KIRREL3: variants seen among roughly 807,000 people sequenced by gnomAD.
The protein encoded by KIRREL3 is kin of IRRE-like protein 3.
Under a neutral mutation model 89.7 loss-of-function variants are expected in KIRREL3, and 36 were observed. The ratio of observed to expected loss-of-function variants is 0.40; its 90% CI spans 0.31 to 0.53. The LOEUF (loss-of-function observed/expected upper bound fraction) is 0.53. KIRREL3 is among the 20% of genes least tolerant of loss of function. KIRREL3 has a pLI of 0.49. For missense variants in KIRREL3, 864 were observed against 1,056.6 expected (o/e 0.82, Z 2.53); for synonymous variants, 445 against 441.4 (o/e 1.01, Z -0.10).
At position 126,994,467 on chromosome 11, in the gene KIRREL3, T is replaced by C. The variant is rs1388941345; in HGVS notation, c.55+5988A>G. 6.6e-6 allele frequency among the ~76,000 whole-genome samples: 1 copy of C among 152,236 alleles called. No homozygotes were observed. Among genetic ancestry groups the C allele is most frequent in the Non-Finnish European group, 1.5e-5 (1 of 68,042 alleles). On this transcript the variant is annotated intron_variant, in intron 1 of 16. Coordinates refer to ENST00000525144, the MANE Select transcript of KIRREL3 (RefSeq NM_032531.4). The surrounding 1 kb of genome is among the most constrained non-coding windows in gnomAD (Gnocchi z 5.2). ...TATGCCAAGGAATAGCTGACATTTATTTAATGTTCATAGTGGTGTTGACTG... is the reference window on the plus strand; with the variant it reads ...TATGCCAAGGAATAGCTGACATTTACTTAATGTTCATAGTGGTGTTGACTG...
intron 1 of KIRREL3, among the ~76,000 whole-genome samples, chr11:126,933,874 A>G (rs965009148): frequency 2.0e-5 from 3 of 152,082 alleles, no homozygotes; most frequent in African/African-American, 7.2e-5. Context: ...TTAAGATGAC[A>G]ATTCTTCCCA....
chr11:126,587,106 C>T lies in KIRREL3; in HGVS notation c.56-24194G>A, dbSNP rs1314159173. ...CGACGATGCAGTGTGATGGATGCTCCAGTGGAAGAGTCCAGAGCACCGGGA... is the reference window on the plus strand; with the variant it reads ...CGACGATGCAGTGTGATGGATGCTCTAGTGGAAGAGTCCAGAGCACCGGGA... On this transcript the variant is annotated intron_variant, in intron 1 of 16. Transcript: ENST00000525144. The surrounding 1 kb of genome is among the most constrained non-coding windows in gnomAD (Gnocchi z 5.2). Among the ~76,000 whole-genome samples, 1 of 152,110 alleles carries T rather than the reference C, an allele frequency of 6.6e-6. No individual in the cohort carries two copies. The highest frequency in any genetic ancestry group is 1.5e-5 in the Non-Finnish European group (1 of 68,022).
chr11:126,551,633 G>A lies in KIRREL3; in HGVS notation c.133+11202C>T, dbSNP rs1207287909. Among the ~76,000 whole-genome samples the A allele has an allele frequency of 1.3e-5, 2 of 151,262 alleles. No homozygotes were observed. The highest frequency in any genetic ancestry group is 2.9e-5 in the Non-Finnish European group (2 of 67,928). On this transcript the variant is annotated intron_variant, in intron 2 of 16. Coordinates refer to ENST00000525144, the MANE Select transcript of KIRREL3 (RefSeq NM_032531.4). This position sits in a 1 kb window ranked among gnomAD's most constrained non-coding sequence, Gnocchi z 4.9. ...ATTGCATGAATGTCTCCCAGGGTGA[G>A]GCCACTCAGGTTTGCAGGCTTTTTT...
Position 127,000,349 on chromosome 11 carries a change from C to A in KIRREL3, c.55+106G>T. On this transcript the variant is annotated intron_variant, in intron 1 of 16. Coordinates refer to ENST00000525144, the MANE Select transcript of KIRREL3 (RefSeq NM_032531.4). The surrounding 1 kb of genome is among the most constrained non-coding windows in gnomAD (Gnocchi z 7.1). ...CTCAGCCCGGCACCGAGAGACGCAT[C>A]CATCAGTCCGAGTTCCCGAAGCCTG... The A allele has an allele frequency of 2.4e-6, 2 of 832,648 alleles. No individual in the cohort carries two copies. The highest frequency in any genetic ancestry group is 3.8e-6 in the Non-Finnish European group (2 of 529,366). The allele number at this position is 832,648 out of a possible 1,614,324, so 51.6% of individuals were successfully genotyped here.
chr11:126,799,446 A>ATG (rs1472497802), intron 1 of KIRREL3, among the ~76,000 whole-genome samples: 3 of 19,200 alleles, frequency 1.6e-4, no homozygotes, highest in African/African-American at 2.8e-4. Flanking sequence ...ATCTGTGTGC[A>ATG]TGCATCTCTG....
At position 126,896,437 on chromosome 11, in the gene KIRREL3, C is replaced by A. The variant is rs543120830; in HGVS notation, c.55+104018G>T. On this transcript the variant is annotated intron_variant, in intron 1 of 16. Coordinates refer to ENST00000525144, the MANE Select transcript of KIRREL3 (RefSeq NM_032531.4). This position sits in a 1 kb window ranked among gnomAD's most constrained non-coding sequence, Gnocchi z 4.1. ...GCTCTCCTGTATGCCTGTTGAGATG[C>A]CCATGCCCTTTCCAGAGCTACAGAC... is the stretch of plus-strand genomic sequence containing the variant. 6.6e-6 allele frequency among the ~76,000 whole-genome samples: 1 copy of A among 152,310 alleles called. No individual in the cohort carries two copies. Among genetic ancestry groups the A allele is most frequent in the East Asian group, 1.9e-4 (1 of 5,190 alleles).
chr11:126,562,815 A>G lies in KIRREL3; in HGVS notation c.133+20T>C, dbSNP rs372532633. ...CTCCCTCCAGATTACTCCCGAGACA[A>G]TGGGGAGGTTCTCACTGACCTTCAT... is the stretch of plus-strand genomic sequence containing the variant. On this transcript the variant is annotated intron_variant, in intron 2 of 16. Transcript: ENST00000525144. This position sits in a 1 kb window ranked among gnomAD's most constrained non-coding sequence, Gnocchi z 4.7. 1.0e-4 allele frequency: 160 copies of G among 1,606,332 alleles called. No homozygotes were observed. Among genetic ancestry groups the G allele is most frequent in the Non-Finnish European group, 1.3e-4 (149 of 1,173,248 alleles).
In KIRREL3 at chr11:126,993,957, T is replaced by A. The variant is rs1950109636; in HGVS notation, c.55+6498A>T. The stretch of plus-strand genomic sequence containing the variant: ...AACAATCCACTGAATACAGGCCAAG[T>A]GAGCAGACCATCTAGATAATTCAGC... On this transcript the variant is annotated intron_variant, in intron 1 of 16. Transcript: ENST00000525144. The surrounding 1 kb of genome is among the most constrained non-coding windows in gnomAD (Gnocchi z 6.1). Among the ~76,000 whole-genome samples the A allele has an allele frequency of 6.6e-6, 1 of 152,158 alleles. No individual in the cohort carries two copies. The highest frequency in any genetic ancestry group is 1.5e-5 in the Non-Finnish European group (1 of 68,026).
chr11:126,913,353 T>C (rs997122701), intron 1 of KIRREL3, among the ~76,000 whole-genome samples: 1 of 152,226 alleles, frequency 6.6e-6, no homozygotes, highest in African/African-American at 2.4e-5. Context: ...CACTATTCAG[T>C]TCAGAATGGG....
chr11:126,426,318 C>T (rs1954938945), intron 15 of KIRREL3, among the ~76,000 whole-genome samples: 1 of 152,180 alleles, frequency 6.6e-6, no homozygotes, highest in South Asian at 2.1e-4. Context: ...AAGTTAACTT[C>T]CTTAGAGATG....
At chr11:126,698,038 G>A (rs1947169140) in intron 1 of KIRREL3, among the ~76,000 whole-genome samples, 1 of 152,192 alleles carries the variant, frequency 6.6e-6, no homozygotes, top group Admixed American at 6.5e-5. Flanking sequence ...AATGGCAAAT[G>A]GCACAGCTGA....
intron 1 of KIRREL3, among the ~76,000 whole-genome samples, chr11:126,649,022 G>A (rs1944803345): frequency 6.6e-6 from 1 of 152,160 alleles, no homozygotes; most frequent in South Asian, 2.1e-4. Context: ...ATGGAGGGAG[G>A]TGAAAGGCAC....
chr11:126,520,716 G>C lies in KIRREL3; in HGVS notation c.433+599C>G, dbSNP rs1958557636. Among the ~76,000 whole-genome samples the C allele has an allele frequency of 6.6e-6, 1 of 152,158 alleles. No homozygotes were observed. Among genetic ancestry groups the C allele is most frequent in the South Asian group, 2.1e-4 (1 of 4,820 alleles). On this transcript the variant is annotated intron_variant, in intron 4 of 16. Coordinates refer to ENST00000525144, the MANE Select transcript of KIRREL3 (RefSeq NM_032531.4). The surrounding 1 kb of genome is among the most constrained non-coding windows in gnomAD (Gnocchi z 4.9). ...TGGGCTCCTGGGAACATAAGATGAA[G>C]AAAGATCAAGGGGAAAAGTATGATT...
chr11:126,849,489 T>C (rs1286179846), intron 1 of KIRREL3, among the ~76,000 whole-genome samples: 3 of 152,178 alleles, frequency 2.0e-5, no homozygotes, highest in Non-Finnish European at 2.9e-5. Context: ...CCAAGAACCC[T>C]CTCTGGATTG....
At chr11:126,974,443 CCGTTACACACCTAGGCTACA>C in intron 1 of KIRREL3, among the ~76,000 whole-genome samples, 1 of 151,138 alleles carries the variant, frequency 6.6e-6, no homozygotes, top group South Asian at 2.1e-4. Context: ...ATGGTATAGC[CCGTTACACACCTAGGCTACA>C]TGGTATAGCC....
At chr11:126,586,165 A>AG (rs1249813258) in intron 1 of KIRREL3, among the ~76,000 whole-genome samples, 2 of 152,204 alleles carry the variant, frequency 1.3e-5, no homozygotes, top group Admixed American at 6.5e-5. Context: ...AGCGCACATT[A>AG]GGGAAAACAC....
At position 126,715,470 on chromosome 11, in the gene KIRREL3, A is replaced by T. The variant is rs147246202; in HGVS notation, c.56-152558T>A. ...TGACAGCTCAAGACCACATGGGCTC[A>T]TCACTGTGATCTTAAGGAAAGAAAT... On this transcript the variant is annotated intron_variant, in intron 1 of 16. Transcript: ENST00000525144. This position sits in a 1 kb window ranked among gnomAD's most constrained non-coding sequence, Gnocchi z 4.4. Among the ~76,000 whole-genome samples the T allele has an allele frequency of 2.1e-3, 321 of 152,306 alleles. No homozygotes were observed. The highest frequency in any genetic ancestry group is 3.7e-3 in the Non-Finnish European group (254 of 68,020).
At chr11:126,514,319 A>T (rs1158417881) in intron 4 of KIRREL3, among the ~76,000 whole-genome samples, 1 of 152,214 alleles carries the variant, frequency 6.6e-6, no homozygotes, top group Non-Finnish European at 1.5e-5. Context: ...CACTAAGACC[A>T]GGCCAGGGCC....
At chr11:126,961,534 C>T (rs1037464555) in intron 1 of KIRREL3, among the ~76,000 whole-genome samples, 1 of 152,152 alleles carries the variant, frequency 6.6e-6, no homozygotes, top group Non-Finnish European at 1.5e-5. Flanking sequence ...GAGGAAGTTG[C>T]AGAAGAAATG....
Sources: gnomAD v4.1 joint callset for allele counts (sites outside exome capture counted in the v4.1 genomes callset) on GRCh38, gnomAD v4.1.1 for gene constraint, Gnocchi (gnomAD v3.1) non-coding constraint, MANE v1.5 for transcripts, NCBI Gene and HGNC (gene_info 2026-07-23, HGNC 2026-07-21) for gene names.